PRKN: variants seen among roughly 807,000 people sequenced by gnomAD.
PRKN encodes E3 ubiquitin-protein ligase parkin.
Under a neutral mutation model 59.5 loss-of-function variants are expected in PRKN, and 56 were observed. That is an observed-to-expected ratio of 0.94 (90% confidence interval 0.76 to 1.18). The LOEUF (loss-of-function observed/expected upper bound fraction) is 1.18. PRKN is among the 50% of genes most tolerant of loss of function. The pLI is 0.00. For missense variants in PRKN, 657 were observed against 596.4 expected, an observed-to-expected ratio of 1.10 and a Z score of -1.06; for synonymous variants, 250 against 222.1, an observed-to-expected ratio of 1.13 and a Z score of -1.12.
At chr6:162,552,166 A>G (rs1482380466) in intron 1 of PRKN, among the ~76,000 whole-genome samples, 1 of 152,200 alleles carries the variant, frequency 6.6e-6, no homozygotes, top group Non-Finnish European at 1.5e-5. Flanking sequence ...CACAAATGGA[A>G]AATCAGGTGA....
In PRKN at chr6:161,525,691, T is replaced by A. The variant is rs889816696; in HGVS notation, c.1083+23163A>T. On this transcript the variant is annotated intron_variant, in intron 9 of 11. Coordinates refer to ENST00000366898, the MANE Select transcript of PRKN (RefSeq NM_004562.3). The surrounding 1 kb of genome is among the most constrained non-coding windows in gnomAD (Gnocchi z 4.7). ...CTTAGTATCCCTGTACTTGGGATCT[T>A]TGAAGGCTATACTATTTTAAAAAAT... Among the ~76,000 whole-genome samples, 2 of 152,178 alleles carry A rather than the reference T, an allele frequency of 1.3e-5. No homozygotes were observed. Among genetic ancestry groups the A allele is most frequent in the African/African-American group, 4.8e-5 (2 of 41,450 alleles).
At chr6:162,487,300 A>G (rs1792590978) in intron 1 of PRKN, among the ~76,000 whole-genome samples, 1 of 152,060 alleles carries the variant, frequency 6.6e-6, no homozygotes, top group South Asian at 2.1e-4. Context: ...TTCATTCTCT[A>G]ACGGAGGCTG....
intron 4 of PRKN, among the ~76,000 whole-genome samples, chr6:162,066,450 TCA>T (rs1340002742): frequency 1.3e-4 from 20 of 152,276 alleles, no homozygotes; most frequent in Non-Finnish European, 2.8e-4. Flanking sequence ...CCCCTAAAAT[TCA>T]TGTGTTGGAA....
At chr6:162,427,650 TTTTC>T (rs1349395731) in intron 2 of PRKN, among the ~76,000 whole-genome samples, 1 of 149,658 alleles carries the variant, frequency 6.7e-6, no homozygotes. Flanking sequence ...AAATGTTTTT[TTTTC>T]TTTTTTTTTT....
In PRKN at chr6:161,468,075, C is replaced by A. The variant is rs977929831; in HGVS notation, c.1083+80779G>T. Reference sequence around the variant, plus strand: ...GCAACCTCTGCCTTCCGGGTTCAAGCAATTTTCCTGCCTCAGCCTCCTGAG... The same window carrying A: ...GCAACCTCTGCCTTCCGGGTTCAAGAAATTTTCCTGCCTCAGCCTCCTGAG... On this transcript the variant is annotated intron_variant, in intron 9 of 11. Transcript: ENST00000366898. This position sits in a 1 kb window ranked among gnomAD's most constrained non-coding sequence, Gnocchi z 5.9. 2.0e-5 allele frequency among the ~76,000 whole-genome samples: 3 copies of A among 152,130 alleles called. No homozygotes were observed. Among genetic ancestry groups the A allele is most frequent in the African/African-American group, 7.2e-5 (3 of 41,432 alleles).
chr6:161,416,325 T>A (rs1787848840), intron 9 of PRKN, among the ~76,000 whole-genome samples: 1 of 151,972 alleles, frequency 6.6e-6, no homozygotes, highest in Admixed American at 6.5e-5. Context: ...TTGGGCTTGT[T>A]TTTCTCGGTC....
chr6:161,646,458 G>T lies in PRKN; in HGVS notation c.872-77042C>A. On this transcript the variant is annotated intron_variant, in intron 7 of 11. Coordinates refer to ENST00000366898, the MANE Select transcript of PRKN (RefSeq NM_004562.3). Reference sequence around the variant, plus strand: ...GTGCGTGCGTGGTGGAGGAGGCGGCGTATTAGTGACAGTGGTGACTGCGTG... The same window carrying T: ...GTGCGTGCGTGGTGGAGGAGGCGGCTTATTAGTGACAGTGGTGACTGCGTG... 1.8e-5 allele frequency among the ~76,000 whole-genome samples: 2 copies of T among 113,460 alleles called. 1 individual carries two copies. 74.4% of individuals were successfully genotyped at this position (113,460 alleles called of 152,430 possible).
intron 2 of PRKN, among the ~76,000 whole-genome samples, chr6:162,387,017 T>G (rs1317153743): frequency 6.6e-6 from 1 of 152,100 alleles, no homozygotes; most frequent in African/African-American, 2.4e-5. Flanking sequence ...GGAAGTTAAT[T>G]AAAAAGTCGA....
chr6:162,212,219 A>G (rs1166419006), intron 3 of PRKN, among the ~76,000 whole-genome samples: 1 of 152,124 alleles, frequency 6.6e-6, no homozygotes, highest in East Asian at 1.9e-4. Context: ...GAATGTCTGT[A>G]GCAGGCTGAG....
At chr6:161,524,672 C>T (rs1044588459) in intron 9 of PRKN, among the ~76,000 whole-genome samples, 8 of 152,030 alleles carry the variant, frequency 5.3e-5, no homozygotes, top group African/African-American at 1.9e-4. Context: ...CTCAAACAAC[C>T]GTAACCTCAT....
chr6:161,831,610 G>A (rs1276469500), intron 6 of PRKN, among the ~76,000 whole-genome samples: 1 of 152,220 alleles, frequency 6.6e-6, no homozygotes, highest in Non-Finnish European at 1.5e-5. Flanking sequence ...TGCAGAAGCA[G>A]CAGAAATGTT....
chr6:162,004,888 T>A lies in PRKN; in HGVS notation c.619-31471A>T, dbSNP rs149478287. ...TTGATGTTGGGCTCAGTGGGATAAATTGTATTTAAGAAAAATGTTGAAGAT... is the reference window on the plus strand; with the variant it reads ...TTGATGTTGGGCTCAGTGGGATAAAATGTATTTAAGAAAAATGTTGAAGAT... On this transcript the variant is annotated intron_variant, in intron 5 of 11. Coordinates refer to ENST00000366898, the MANE Select transcript of PRKN (RefSeq NM_004562.3). Among the ~76,000 whole-genome samples, 363 of 152,300 alleles carry A rather than the reference T, an allele frequency of 2.4e-3. 5 individuals carry two copies. Among genetic ancestry groups the A allele is most frequent in the African/African-American group, 8.2e-3 (341 of 41,570 alleles).
intron 6 of PRKN, among the ~76,000 whole-genome samples, chr6:161,821,468 A>G (rs1370881943): frequency 6.6e-6 from 1 of 152,068 alleles, no homozygotes; most frequent in African/African-American, 2.4e-5. Context: ...GACTTTCACT[A>G]TTACAAATAA....
chr6:162,556,364 T>TGTGCGC (rs1333960981), intron 1 of PRKN, among the ~76,000 whole-genome samples: 3 of 91,172 alleles, frequency 3.3e-5, no homozygotes, highest in East Asian at 6.2e-4. Context: ...TGTGTGTGTG[T>TGTGCGC]GTGTGTGTGT....
rs187301646 is a variant in PRKN, at chr6:161,946,657, A to G, written c.734+26645T>C. Among the ~76,000 whole-genome samples, 232 of 152,276 alleles carry G rather than the reference A, an allele frequency of 1.5e-3. 1 individual carries two copies. Among genetic ancestry groups the G allele is most frequent in the Non-Finnish European group, 2.1e-3 (145 of 68,024 alleles). On this transcript the variant is annotated intron_variant, in intron 6 of 11. Transcript: ENST00000366898. ...CTAGTCTGTTCAGAGTGATCTTAGA[A>G]TTCAGTTATTTTTATGGCTTGGAAA...
At chr6:161,406,165 CACATAT>C (rs1787265528) in intron 9 of PRKN, among the ~76,000 whole-genome samples, 1 of 151,126 alleles carries the variant, frequency 6.6e-6, no homozygotes, top group Non-Finnish European at 1.5e-5. Context: ...CATATATATA[CACATAT>C]ATATACATAC....
chr6:162,629,171 C>A (rs866609554), intron 1 of PRKN, among the ~76,000 whole-genome samples: 1 of 151,982 alleles, frequency 6.6e-6, no homozygotes, highest in Non-Finnish European at 1.5e-5. Context: ...CTAAAATATC[C>A]CAAAGTGTTG....
At chr6:162,268,678 T>C (rs951963837) in intron 2 of PRKN, among the ~76,000 whole-genome samples, 5 of 152,058 alleles carry the variant, frequency 3.3e-5, no homozygotes, top group African/African-American at 1.2e-4. Flanking sequence ...AAGTTCACGA[T>C]GGGTTCAACA....
chr6:161,746,642 GTATA>G (rs1788428625), intron 7 of PRKN, among the ~76,000 whole-genome samples: 1 of 140,384 alleles, frequency 7.1e-6, no homozygotes, highest in East Asian at 2.0e-4. Context: ...ATGTATATAT[GTATA>G]TATCTATATA....
Sources: allele counts gnomAD v4.1 joint callset (sites outside exome capture counted in the v4.1 genomes callset), GRCh38; gene constraint gnomAD v4.1.1; non-coding constraint Gnocchi (gnomAD v3.1); transcripts MANE v1.5; gene names NCBI Gene and HGNC (gene_info 2026-07-23, HGNC 2026-07-21).